The following DAB1 variants were observed in gnomAD, a reference collection of about 807,000 sequenced individuals.
DAB1 encodes the protein DAB adaptor protein 1, also known as disabled homolog 1.
DAB1 carries 15 observed loss-of-function variants against 64.6 expected under a neutral mutation model. The observed-to-expected ratio is 0.23, with a 90% confidence interval of 0.16 to 0.36. The LOEUF is 0.36. DAB1 is among the 10% of genes least tolerant of loss of function. DAB1 has a pLI of 1.00. For synonymous variants in DAB1, 235 were observed against 251.9 expected, an observed-to-expected ratio of 0.93 and a Z score of 0.64; for missense variants, 596 against 706.7, an observed-to-expected ratio of 0.84 and a Z score of 1.78.
At chr1:58,381,189 G>C (rs1557744891) in intron 3 of DAB1, among the ~76,000 whole-genome samples, 1 of 152,202 alleles carries the variant, frequency 6.6e-6, no homozygotes, top group Non-Finnish European at 1.5e-5. Flanking sequence ...AATAGCTAAT[G>C]AATGTTGGGC....
rs191826009 is a variant in DAB1 at position 57,559,406 on chromosome 1, G to A, written n.625+90186C>T. Among the ~76,000 whole-genome samples the A allele has an allele frequency of 1.6e-4, 24 of 152,286 alleles. No homozygotes were observed. In the East Asian group the frequency reaches 4.1e-3, roughly 26 times the overall value. ...TGAGGAAGGACCCCACTATGCTACT[G>A]ACAATTTATGCAGTGAATCTTTCTC... On this transcript the variant is annotated intron_variant and non_coding_transcript_variant, in intron 7 of 20. Transcript: ENST00000485760.
intron 9 of DAB1, among the ~76,000 whole-genome samples, chr1:57,038,941 G>A (rs147759034): frequency 1.7e-4 from 26 of 152,302 alleles, no homozygotes; most frequent in Middle Eastern, 3.4e-3. Context: ...ACGGGCTAAC[G>A]CAAATGACAG....
At chr1:58,126,955 G>A (rs577523130) in intron 5 of DAB1, among the ~76,000 whole-genome samples, 3 of 146,570 alleles carry the variant, frequency 2.0e-5, no homozygotes, top group Non-Finnish European at 4.5e-5. Flanking sequence ...ATTATTTATA[G>A]TCATTTGGGT....
intron 4 of DAB1, among the ~76,000 whole-genome samples, chr1:58,156,908 C>T (rs1377648284): frequency 3.3e-5 from 5 of 152,164 alleles, no homozygotes; most frequent in African/African-American, 1.2e-4. Context: ...TAGCTAATTA[C>T]AAGAGCACAG....
intron 6 of DAB1, among the ~76,000 whole-genome samples, chr1:57,695,395 A>AG (rs2101721819): frequency 1.1e-5 from 1 of 94,644 alleles, no homozygotes; most frequent in Non-Finnish European, 2.3e-5. Context: ...AAAGAAAGAA[A>AG]GAAAGAAAGA....
At chr1:57,792,286 T>G (rs1382938850) in intron 6 of DAB1, among the ~76,000 whole-genome samples, 5 of 152,230 alleles carry the variant, frequency 3.3e-5, no homozygotes, top group Non-Finnish European at 5.9e-5. Context: ...CCTTTTCCTT[T>G]TATTTCCCCT....
chr1:57,627,663 A>C (rs1645939073), intron 7 of DAB1, among the ~76,000 whole-genome samples: 1 of 152,216 alleles, frequency 6.6e-6, no homozygotes, highest in Non-Finnish European at 1.5e-5. Flanking sequence ...TTTTAATTGA[A>C]AATTGAAAAG....
chr1:58,297,468 A>G (rs971399121), intron 4 of DAB1, among the ~76,000 whole-genome samples: 4 of 152,090 alleles, frequency 2.6e-5, no homozygotes, highest in Non-Finnish European at 4.4e-5. Context: ...ACTCAACCCA[A>G]CTACACAATG....
intron 2 of DAB1, among the ~76,000 whole-genome samples, chr1:57,205,973 A>C (rs749500325): frequency 6.6e-6 from 1 of 152,250 alleles, no homozygotes; most frequent in African/African-American, 2.4e-5. Context: ...ACACCAATTC[A>C]CTTTATTCTT....
intron 4 of DAB1, among the ~76,000 whole-genome samples, chr1:58,193,810 C>G (rs1021406497): frequency 4.0e-5 from 6 of 151,600 alleles, no homozygotes; most frequent in Non-Finnish European, 8.8e-5. Context: ...GAGCCAAGAT[C>G]GCACCATTGC....
At chr1:58,497,256 A>T (rs115378697) in intron 3 of DAB1, among the ~76,000 whole-genome samples, 488 of 152,298 alleles carry the variant, frequency 3.2e-3, no homozygotes, top group African/African-American at 0.011. Context: ...GTACTGTCCT[A>T]AAGTCAAAAG....
intron 1 of DAB1, among the ~76,000 whole-genome samples, chr1:57,405,145 G>A (rs945996518): frequency 6.6e-6 from 1 of 152,150 alleles, no homozygotes; most frequent in African/African-American, 2.4e-5. Flanking sequence ...AACATAACAA[G>A]CTGAATTAAG....
At chr1:58,094,997 G>C (rs1427851977) in intron 5 of DAB1, among the ~76,000 whole-genome samples, 1 of 152,078 alleles carries the variant, frequency 6.6e-6, no homozygotes, top group African/African-American at 2.4e-5. Context: ...TAGGTTTTTG[G>C]GACCTTACAG....
chr1:57,456,774 G>C (rs560130417), intron 7 of DAB1, among the ~76,000 whole-genome samples: 1 of 152,168 alleles, frequency 6.6e-6, no homozygotes, highest in African/African-American at 2.4e-5. Context: ...TTCTAAGAAA[G>C]ATGCTTCTTC....
At chr1:58,079,562 G>A (rs1205472666) in intron 5 of DAB1, among the ~76,000 whole-genome samples, 7 of 114,644 alleles carry the variant, frequency 6.1e-5, no homozygotes, top group African/African-American at 1.0e-4. Flanking sequence ...TCGCTCTGTC[G>A]CCCAGGTTGG....
intron 7 of DAB1, among the ~76,000 whole-genome samples, chr1:57,540,789 G>C (rs368115801): frequency 6.6e-6 from 1 of 152,182 alleles, no homozygotes; most frequent in African/African-American, 2.4e-5. Context: ...AGAAAGTAGC[G>C]TGATAGTTAC....
At chr1:57,475,950 T>G (rs1643930403) in intron 7 of DAB1, among the ~76,000 whole-genome samples, 1 of 152,102 alleles carries the variant, frequency 6.6e-6, no homozygotes, top group Admixed American at 6.5e-5. Flanking sequence ...CTCGGCCAGG[T>G]GCAGTGGCTC....
At chr1:57,423,849 C>T (rs1474777354) in intron 1 of DAB1, 81 bp downstream of exon 1, 1 of 152,304 alleles carries the variant, frequency 6.6e-6, no homozygotes, top group Non-Finnish European at 1.5e-5. Flanking sequence ...GCGAAGCCTC[C>T]TGGCTCCCCG....
chr1:57,102,762 A>C (rs1654796827), intron 4 of DAB1, among the ~76,000 whole-genome samples: 1 of 152,168 alleles, frequency 6.6e-6, no homozygotes, highest in African/African-American at 2.4e-5. Flanking sequence ...TGGAAAAAAA[A>C]TGTTTTTCAT....
Sources: allele counts gnomAD v4.1 joint callset (sites outside exome capture counted in the v4.1 genomes callset), GRCh38; gene constraint gnomAD v4.1.1; transcripts MANE v1.5; gene names NCBI Gene and HGNC (gene_info 2026-07-23, HGNC 2026-07-21).